RCOR3: variants seen among roughly 807,000 people sequenced by gnomAD.
The protein encoded by RCOR3 is REST corepressor 3.
RCOR3 carries 13 observed loss-of-function variants against 64.1 expected under a neutral mutation model. That is an observed-to-expected ratio of 0.20 (90% CI 0.13 to 0.32). The LOEUF is 0.32. Ranked by LOEUF, RCOR3 falls within the 10% of genes least tolerant of loss-of-function variation. RCOR3 has a pLI of 1.00. For synonymous variants in RCOR3, 215 were observed against 239.0 expected (o/e 0.90, Z 0.93); for missense variants, 489 against 701.2 (o/e 0.70, Z 3.42).
intron 2 of RCOR3, among the ~76,000 whole-genome samples, chr1:211,261,368 G>A (rs1371904947): frequency 6.6e-6 from 1 of 152,062 alleles, no homozygotes; most frequent in Non-Finnish European, 1.5e-5. Flanking sequence ...GTAATGAGTC[G>A]GGACAGTCTC....
At chr1:211,264,997 C>T (rs979423639) in intron 2 of RCOR3, among the ~76,000 whole-genome samples, 6 of 152,120 alleles carry the variant, frequency 3.9e-5, no homozygotes, top group South Asian at 2.1e-4. Context: ...CCTGACTTCT[C>T]TAGGCCTTAG....
In RCOR3 at chr1:211,313,855, T is replaced by A. The variant is rs1016988744; in HGVS notation, c.*87T>A. 3 of 1,223,876 alleles carry A rather than the reference T, an allele frequency of 2.5e-6. No individual in the cohort carries two copies. The African/African-American group carries it at 4.5e-5, about 18-fold the overall frequency. The allele number at this position is 1,223,876 out of a possible 1,614,324, so 75.8% of individuals were successfully genotyped here. On this transcript the variant is annotated 3_prime_UTR_variant, in exon 12 of 12. Transcript: ENST00000419091. This position sits in a 1 kb window ranked among gnomAD's most constrained non-coding sequence, Gnocchi z 4.7. ...ACTGATGAAAAAGAGGAAAGAATAA[T>A]CATTTCTAGATACTGAGGCTGCGAA... is the stretch of plus-strand genomic sequence containing the variant.
At chr1:211,267,923 T>A (rs1695479507) in intron 2 of RCOR3, 1 of 348,946 alleles carries the variant, frequency 2.9e-6, no homozygotes, top group South Asian at 2.1e-5. Context: ...GGGAAAAATT[T>A]AAAAAAAGTT....
At chr1:211,311,139 A>G (rs1701446744) in intron 10 of RCOR3, among the ~76,000 whole-genome samples, 1 of 152,214 alleles carries the variant, frequency 6.6e-6, no homozygotes, top group African/African-American at 2.4e-5. Context: ...ATTACCAAAT[A>G]AACTCTCAGT....
At chr1:211,260,371 C>T (rs182673090) in intron 2 of RCOR3, among the ~76,000 whole-genome samples, 1 of 152,244 alleles carries the variant, frequency 6.6e-6, no homozygotes, top group East Asian at 1.9e-4. Context: ...ACATGGTTCC[C>T]TTCGGAGGCC....
At chr1:211,284,544 TGGG>T (rs1159163142) in intron 7 of RCOR3, among the ~76,000 whole-genome samples, 5 of 149,226 alleles carry the variant, frequency 3.4e-5, no homozygotes, top group Non-Finnish European at 7.4e-5. Context: ...ATTTAACAGT[TGGG>T]GGTCTTGTTT....
chr1:211,268,619 C>T (rs147417007), intron 2 of RCOR3, among the ~76,000 whole-genome samples: 9 of 151,930 alleles, frequency 5.9e-5, no homozygotes, highest in Admixed American at 2.0e-4. Flanking sequence ...TCAGGTGATC[C>T]GTCCACCTCG....
intron 6 of RCOR3, among the ~76,000 whole-genome samples, chr1:211,278,593 T>C (rs1697339808): frequency 6.6e-6 from 1 of 152,186 alleles, no homozygotes; most frequent in Admixed American, 6.5e-5. Flanking sequence ...ATCATTTTGT[T>C]TCATTTTTGT....
chr1:211,303,818 T>C (rs1252901077), intron 9 of RCOR3: 2 of 256,042 alleles, frequency 7.8e-6, no homozygotes, highest in African/African-American at 4.5e-5. Flanking sequence ...TAATAGACTT[T>C]CTCATGTTTT....
At chr1:211,261,773 T>A (rs1694312436) in intron 2 of RCOR3, among the ~76,000 whole-genome samples, 1 of 151,234 alleles carries the variant, frequency 6.6e-6, no homozygotes, top group African/African-American at 2.4e-5. Context: ...TACAAAAAAT[T>A]AGCCGATCGT....
Position 211,312,809 on chromosome 1 carries a change from T to C in RCOR3, c.1165T>C (p.Tyr389His). The change falls in exon 11 of 12, where the codon TAC becomes CAC. Residue 389 changes from tyrosine to histidine, a missense_variant. By Grantham distance (83) the Tyr-to-His change is moderately conservative (BLOSUM62 2). Coordinates refer to ENST00000419091, the MANE Select transcript of RCOR3 (RefSeq NM_001136223.3). The surrounding 1 kb of genome is among the most constrained non-coding windows in gnomAD (Gnocchi z 5.0). Reference sequence around the variant, plus strand: ...CCAAGTGAAGAACTTCTTTGTAAACTACAGGCGTCGGTTTAACTTAGAGGA... The same window carrying C: ...CCAAGTGAAGAACTTCTTTGTAAACCACAGGCGTCGGTTTAACTTAGAGGA... ...VGQVKNFFVN[Y>H]RRRFNLEEVL... The C allele has an allele frequency of 6.2e-7, 1 of 1,614,190 alleles. No homozygotes were observed. The highest frequency in any genetic ancestry group is 8.5e-7 in the Non-Finnish European group (1 of 1,180,022).
At chr1:211,294,029 A>T (rs1336559806) in intron 8 of RCOR3, among the ~76,000 whole-genome samples, 1 of 152,192 alleles carries the variant, frequency 6.6e-6, no homozygotes, top group Non-Finnish European at 1.5e-5. Flanking sequence ...TCATCTGTAA[A>T]ACTGTTATAA....
intron 2 of RCOR3, among the ~76,000 whole-genome samples, chr1:211,270,142 C>T (rs547935303): frequency 6.6e-6 from 1 of 150,952 alleles, no homozygotes; most frequent in South Asian, 2.1e-4. Context: ...GGCTCACTGG[C>T]AACCTCTGCC....
rs9887769 is a variant in RCOR3, at chr1:211,260,078, T to A, written c.167-30T>A. 0.047 allele frequency: 72,745 copies of A among 1,556,320 alleles called. 3,138 individuals carry two copies. Among genetic ancestry groups the A allele is most frequent in the East Asian group, 0.27 (11,479 of 43,048 alleles). On this transcript the variant is annotated intron_variant, in intron 1 of 11. Transcript: ENST00000419091. The stretch of plus-strand genomic sequence containing the variant: ...TCTTTCTTTTCTTCTTTTTTATTTT[T>A]TATATATATTTTTTGGCATTGCTTT...
chr1:211,294,582 C>CTTCCTTT (rs1699630901), intron 8 of RCOR3, among the ~76,000 whole-genome samples: 1 of 117,852 alleles, frequency 8.5e-6, no homozygotes, highest in Non-Finnish European at 1.7e-5. Context: ...TTCTTTCTTT[C>CTTCCTTT]TTTCTTTTTT....
intron 10 of RCOR3, among the ~76,000 whole-genome samples, chr1:211,309,086 T>TAAAAAAAAAAA (rs10688171): frequency 4.4e-5 from 5 of 113,892 alleles, no homozygotes; most frequent in Non-Finnish European, 6.9e-5. Flanking sequence ...TAGCTAAACA[T>TAAAAAAAAAAA]AAAAAAAAAA....
intron 10 of RCOR3, among the ~76,000 whole-genome samples, chr1:211,304,863 T>C (rs974977223): frequency 6.6e-6 from 1 of 152,194 alleles, no homozygotes; most frequent in African/African-American, 2.4e-5. Flanking sequence ...TGTTACAGAT[T>C]TGTTTCCTCT....
chr1:211,313,299 C>T lies in RCOR3; in HGVS notation c.1318-125C>T, dbSNP rs1558118270. 6.9e-7 allele frequency: 1 copy of T among 1,447,184 alleles called. No homozygotes were observed. Among genetic ancestry groups the T allele is most frequent in the Non-Finnish European group, 9.1e-7 (1 of 1,104,292 alleles). The allele number at this position is 1,447,184 out of a possible 1,614,324, so 89.6% of individuals were successfully genotyped here. Reference sequence around the variant, plus strand: ...AAAAGAAGCTTGTGCTTCCAATAAACACTGGTGTTATGTTTTTGTTTTGTT... The same window carrying T: ...AAAAGAAGCTTGTGCTTCCAATAAATACTGGTGTTATGTTTTTGTTTTGTT... On this transcript the variant is annotated intron_variant, in intron 11 of 11. Coordinates refer to ENST00000419091, the MANE Select transcript of RCOR3 (RefSeq NM_001136223.3). This position sits in a 1 kb window ranked among gnomAD's most constrained non-coding sequence, Gnocchi z 4.7.
chr1:211,310,817 G>A (rs1486718258), intron 10 of RCOR3, among the ~76,000 whole-genome samples: 2 of 152,292 alleles, frequency 1.3e-5, no homozygotes, highest in South Asian at 2.1e-4. Flanking sequence ...TAGTTTTAAT[G>A]TGACTTCTTC....
Sources: gnomAD v4.1 joint callset for allele counts (sites outside exome capture counted in the v4.1 genomes callset) on GRCh38, gnomAD v4.1.1 for gene constraint, Gnocchi (gnomAD v3.1) non-coding constraint, MANE v1.5 for transcripts, NCBI Gene and HGNC (gene_info 2026-07-23, HGNC 2026-07-21) for gene names.